The following SLCO3A1 variants were observed in gnomAD, a reference collection of about 807,000 sequenced individuals.
SLCO3A1 encodes PGE1 transporter.
Under a neutral mutation model 63.1 loss-of-function variants are expected in SLCO3A1, and 27 were observed. The observed-to-expected ratio is 0.43, with a 90% CI of 0.32 to 0.59. The LOEUF is 0.59. Ranked by LOEUF, SLCO3A1 falls within the 20% of genes least tolerant of loss-of-function variation. The pLI, the probability that SLCO3A1 is intolerant of heterozygous loss-of-function variation, is 0.09. For synonymous variants in SLCO3A1, 473 were observed against 409.9 expected (o/e 1.15, Z -1.86); for missense variants, 773 against 945.8 (o/e 0.82, Z 2.40).
chr15:92,167,069 A>G (rs959754462), downstream of SLCO3A1, among the ~76,000 whole-genome samples: 24 of 151,588 alleles, frequency 1.6e-4, no homozygotes, highest in Admixed American at 8.5e-4. Flanking sequence ...GAGTTACGCT[A>G]TATTTTATTG....
chr15:92,001,223 G>A (rs1346420166), intron 2 of SLCO3A1, among the ~76,000 whole-genome samples: 1 of 142,406 alleles, frequency 7.0e-6, no homozygotes, highest in Non-Finnish European at 1.5e-5. Flanking sequence ...CGGGGGGGAG[G>A]GGGCGAACAA....
At chr15:92,046,994 A>AAT (rs200173154) in intron 2 of SLCO3A1, among the ~76,000 whole-genome samples, 8 of 74,458 alleles carry the variant, frequency 1.1e-4, no homozygotes, top group African/African-American at 4.0e-4. Context: ...TGTATATATA[A>AAT]ATATATATAT....
intron 2 of SLCO3A1, among the ~76,000 whole-genome samples, chr15:91,964,850 C>G (rs541501092): frequency 6.6e-6 from 1 of 152,112 alleles, no homozygotes; most frequent in Admixed American, 6.5e-5. Context: ...GTGACTTGCT[C>G]AGGGTCACAG....
At chr15:92,056,808 C>T (rs2047027423) in intron 2 of SLCO3A1, among the ~76,000 whole-genome samples, 1 of 152,204 alleles carries the variant, frequency 6.6e-6, no homozygotes, top group Admixed American at 6.5e-5. Context: ...ACCTGGACTT[C>T]AGGATCCTCA....
intron 7 of SLCO3A1, among the ~76,000 whole-genome samples, chr15:92,130,217 A>G (rs2047976015): frequency 6.6e-6 from 1 of 152,256 alleles, no homozygotes; most frequent in African/African-American, 2.4e-5. Context: ...GTCTTATTGA[A>G]TAAGAGCCTT....
rs1459257509 is a variant in SLCO3A1, at chr15:91,942,644, C to T, written c.646+26186C>T. ...TGTCGACCAGGCTGGATTGCAGTGGCCCAATCTCAGCTCACTGCAACCTCC... is the reference window on the plus strand; with the variant it reads ...TGTCGACCAGGCTGGATTGCAGTGGTCCAATCTCAGCTCACTGCAACCTCC... On this transcript the variant is annotated intron_variant, in intron 2 of 9. Coordinates refer to ENST00000318445, the MANE Select transcript of SLCO3A1 (RefSeq NM_013272.4). The surrounding 1 kb of genome is among the most constrained non-coding windows in gnomAD (Gnocchi z 4.1). 6.6e-6 allele frequency among the ~76,000 whole-genome samples: 1 copy of T among 152,160 alleles called. No homozygotes were observed. Among genetic ancestry groups the T allele is most frequent in the Non-Finnish European group, 1.5e-5 (1 of 68,030 alleles).
intron 2 of SLCO3A1, among the ~76,000 whole-genome samples, chr15:91,955,694 A>G (rs1474215205): frequency 6.6e-6 from 1 of 152,222 alleles, no homozygotes; most frequent in Non-Finnish European, 1.5e-5. Flanking sequence ...CTGAACACAT[A>G]GTAGGAGCTC....
Position 92,165,716 on chromosome 15 carries a change from T to G in SLCO3A1, c.*2581T>G, listed in dbSNP as rs962014590. The G allele has an allele frequency of 2.0e-6, 2 of 985,292 alleles. No homozygotes were observed. The highest frequency in any genetic ancestry group is 2.4e-6 in the Non-Finnish European group (2 of 829,792). 61.0% of individuals were successfully genotyped at this position (985,292 alleles called of 1,614,324 possible). On this transcript the variant is annotated 3_prime_UTR_variant, in exon 10 of 10. Coordinates refer to ENST00000318445, the MANE Select transcript of SLCO3A1 (RefSeq NM_013272.4). ...TAAAATTTTAATTATTCTCATATAG[T>G]ACCGAACAGAAAACTCAGTCTAGTT...
chr15:92,091,523 C>T (rs1418608908), intron 2 of SLCO3A1, among the ~76,000 whole-genome samples: 2 of 152,210 alleles, frequency 1.3e-5, no homozygotes, highest in African/African-American at 2.4e-5. Flanking sequence ...TCAGCATAAC[C>T]GTTGTTAGCT....
rs146036054 is a variant in SLCO3A1 at position 92,142,159 on chromosome 15, A to G, written c.1513-4825A>G. 1.1e-3 allele frequency among the ~76,000 whole-genome samples: 161 copies of G among 152,324 alleles called. 1 individual carries two copies. The highest frequency in any genetic ancestry group is 2.0e-3 in the Non-Finnish European group (139 of 68,022). The stretch of plus-strand genomic sequence containing the variant: ...CAGCTTTTCCTCTTGGACACCAACA[A>G]ACAGACATTTTCATTGGTCTTGTGC... On this transcript the variant is annotated intron_variant, in intron 7 of 9. Transcript: ENST00000318445.
intron 6 of SLCO3A1, among the ~76,000 whole-genome samples, chr15:92,126,468 T>TG (rs1360475867): frequency 9.9e-5 from 15 of 152,116 alleles, no homozygotes; most frequent in Non-Finnish European, 2.2e-4. Context: ...TGGGAAGCAC[T>TG]GGGGGAGAAG....
chr15:92,101,542 A>G (rs1567120283), intron 3 of SLCO3A1, among the ~76,000 whole-genome samples: 1 of 152,042 alleles, frequency 6.6e-6, no homozygotes, highest in Non-Finnish European at 1.5e-5. Context: ...TGTTATAGAG[A>G]TGGACAGAGG....
Position 92,171,727 on chromosome 15 carries a change from G to GA in SLCO3A1, c.1997-49dup. ...AGCCTAACAAACAGTAGGTGAAGCA[G>GA]AAAAGACCGATCTCTTTTTCCTCTT... On this transcript the variant is annotated intron_variant, in intron 10 of 10. Coordinates refer to the SLCO3A1 transcript ENST00000424469. 4.6e-6 allele frequency: 6 copies of GA among 1,304,182 alleles called. No individual in the cohort carries two copies. The East Asian group carries it at 1.3e-4, about 27-fold the overall frequency. The allele number at this position is 1,304,182 out of a possible 1,614,324, so 80.8% of individuals were successfully genotyped here. A position where few individuals can be genotyped will look rare whatever the true frequency, so the allele number is the denominator to read the frequency against.
chr15:92,003,985 C>T (rs1250683894), intron 2 of SLCO3A1, among the ~76,000 whole-genome samples: 3 of 152,194 alleles, frequency 2.0e-5, no homozygotes, highest in African/African-American at 7.2e-5. Flanking sequence ...TTCTGATAAT[C>T]GTCCAGATTA....
chr15:92,007,098 G>T (rs190885228), intron 2 of SLCO3A1, among the ~76,000 whole-genome samples: 3 of 152,264 alleles, frequency 2.0e-5, no homozygotes, highest in East Asian at 3.9e-4. Context: ...CCACTGACAC[G>T]CAGGAGGACT....
At chr15:92,100,201 C>G (rs2047588534) in intron 3 of SLCO3A1, among the ~76,000 whole-genome samples, 1 of 152,210 alleles carries the variant, frequency 6.6e-6, no homozygotes, top group Admixed American at 6.5e-5. Flanking sequence ...ATGGTACACC[C>G]AGTGTATGGC....
chr15:91,955,614 G>A (rs1234359702), intron 2 of SLCO3A1, among the ~76,000 whole-genome samples: 2 of 152,176 alleles, frequency 1.3e-5, no homozygotes, highest in East Asian at 1.9e-4. Context: ...TTACAGGCAC[G>A]AGCCACTGCA....
chr15:91,995,409 C>T (rs2046178881), intron 2 of SLCO3A1, among the ~76,000 whole-genome samples: 2 of 152,130 alleles, frequency 1.3e-5, no homozygotes, highest in Admixed American at 1.3e-4. Flanking sequence ...GTATCATTTC[C>T]CTTTCCCTTG....
chr15:92,117,138 A>C (rs2047805051), intron 4 of SLCO3A1, among the ~76,000 whole-genome samples: 1 of 152,210 alleles, frequency 6.6e-6, no homozygotes, highest in Non-Finnish European at 1.5e-5. Flanking sequence ...CATTAACCGG[A>C]GTTGCCTTTG....
Sources: gnomAD v4.1 joint callset for allele counts (sites outside exome capture counted in the v4.1 genomes callset) on GRCh38, gnomAD v4.1.1 for gene constraint, Gnocchi (gnomAD v3.1) non-coding constraint, MANE v1.5 for transcripts, NCBI Gene and HGNC (gene_info 2026-07-23, HGNC 2026-07-21) for gene names.